EIF2S3B: variants seen among roughly 807,000 people sequenced by gnomAD.
EIF2S3B encodes eukaryotic translation initiation factor 2 subunit 3B.
EIF2S3B carries 16 observed loss-of-function variants against 26.4 expected under a neutral mutation model. That is an observed-to-expected ratio of 0.61 (90% CI 0.41 to 0.92). The LOEUF (loss-of-function observed/expected upper bound fraction) is 0.92, where lower values mean the gene tolerates loss of function less well. Ranked by LOEUF, EIF2S3B falls within the 40% of genes least tolerant of loss-of-function variation. The pLI, the probability that EIF2S3B is intolerant of heterozygous loss-of-function variation, is 0.00. For synonymous variants in EIF2S3B, 183 were observed against 204.4 expected, an observed-to-expected ratio of 0.90 and a Z score of 0.89; for missense variants, 510 against 575.5, an observed-to-expected ratio of 0.89 and a Z score of 1.16.
At chr12:10,522,739 G>C (rs929975997) in exon 2 of EIF2S3B, 1 of 677,338 alleles carries the variant, frequency 1.5e-6, no homozygotes, top group Admixed American at 2.1e-5. Flanking sequence ...AAGAAAACAT[G>C]ATCCCCTTTC....
intron 1 of EIF2S3B, among the ~76,000 whole-genome samples, chr12:10,516,764 T>G (rs1309116272): frequency 3.3e-5 from 5 of 152,120 alleles, no homozygotes; most frequent in African/African-American, 1.2e-4. Context: ...AGATAGCTCT[T>G]ATTATTTTGA....
Position 10,506,576 on chromosome 12 carries a change from C to T in EIF2S3B, c.674C>T (p.Ser225Leu). ...GAGGGAGCTCCCATTATTCCAATTT[C>T]GGCTCAGCTGAAATACAATATTGAA... ...VAEGAPIIPISAQLKYNIEVV... is the reference protein window; with the variant it reads ...VAEGAPIIPILAQLKYNIEVV... Residue 225 changes from serine to leucine, a missense_variant, in exon 1 of 1, where the codon TCG becomes TTG. By Grantham distance (145) the Ser-to-Leu change is moderately radical. Coordinates refer to ENST00000538173, the MANE Select transcript of EIF2S3B (RefSeq NM_001357734.3). The T allele has an allele frequency of 2.5e-6, 4 of 1,597,392 alleles. No homozygotes were observed. Among genetic ancestry groups the T allele is most frequent in the Non-Finnish European group, 3.4e-6 (4 of 1,164,758 alleles).
At chr12:10,519,083 G>T (rs1247405480) in intron 1 of EIF2S3B, among the ~76,000 whole-genome samples, 2 of 150,662 alleles carry the variant, frequency 1.3e-5, no homozygotes, top group African/African-American at 4.8e-5. Context: ...AAAGCTGGAG[G>T]CATCACGCTA....
At chr12:10,510,813 AT>A (rs1418880429), downstream of EIF2S3B, among the ~76,000 whole-genome samples, 2 of 152,148 alleles carry the variant, frequency 1.3e-5, no homozygotes, top group African/African-American at 2.4e-5. Context: ...CTGCACCAAT[AT>A]GGAGAAGTTC....
downstream of EIF2S3B, among the ~76,000 whole-genome samples, chr12:10,510,010 A>G (rs1864688884): frequency 6.6e-6 from 1 of 152,092 alleles, no homozygotes; most frequent in African/African-American, 2.4e-5. Flanking sequence ...TCAAATATTG[A>G]TGGTGAAAGA....
chr12:10,512,646 A>C (rs980504343), downstream of EIF2S3B, among the ~76,000 whole-genome samples: 5 of 152,070 alleles, frequency 3.3e-5, no homozygotes, highest in Admixed American at 3.3e-4. Context: ...CTATCTCAGA[A>C]AAAAAATTTA....
chr12:10,517,861 G>C (rs1292783074), intron 1 of EIF2S3B, among the ~76,000 whole-genome samples: 1 of 151,804 alleles, frequency 6.6e-6, no homozygotes, highest in Non-Finnish European at 1.5e-5. Context: ...CCTTCATTTC[G>C]TTATGTACCC....
Position 10,506,143 on chromosome 12 carries a change from C to T in EIF2S3B, c.241C>T (p.Leu81Phe). ...ACTAGAAAGAAATATTACAATCAAGCTTGGATATGCTAATGCTAAGATTTA... is the reference window on the plus strand; with the variant it reads ...ACTAGAAAGAAATATTACAATCAAGTTTGGATATGCTAATGCTAAGATTTA... ...NELERNITIK[L>F]GYANAKIYQL... The change falls in exon 1 of 1, where the codon CTT becomes TTT. Residue 81 changes from leucine to phenylalanine, a missense_variant. Transcript: ENST00000538173. The T allele has an allele frequency of 6.3e-7, 1 of 1,576,844 alleles. No individual in the cohort carries two copies.
At chr12:10,517,589 G>T (rs1864772579) in intron 1 of EIF2S3B, among the ~76,000 whole-genome samples, 1 of 152,098 alleles carries the variant, frequency 6.6e-6, no homozygotes, top group African/African-American at 2.4e-5. Context: ...TTTTTGAAGG[G>T]TTTTTTGTGC....
Position 10,506,171 on chromosome 12 carries a change from A to G in EIF2S3B, c.269A>G (p.Gln90Arg). 1.1e-5 allele frequency: 18 copies of G among 1,577,058 alleles called. No individual in the cohort carries two copies. Among genetic ancestry groups the G allele is most frequent in the Non-Finnish European group, 1.6e-5 (18 of 1,146,208 alleles). The change falls in exon 1 of 1, where the codon CAA becomes CGA. Residue 90 changes from glutamine (Q) to arginine (R), a missense_variant. Gln to Arg is a conservative substitution (Grantham distance 43). Transcript: ENST00000538173. ...GGATATGCTAATGCTAAGATTTATCAACTTGATGACCCAAGTTGCCCTCGG... is the reference window on the plus strand; with the variant it reads ...GGATATGCTAATGCTAAGATTTATCGACTTGATGACCCAAGTTGCCCTCGG... Reference protein sequence around the residue: ...KLGYANAKIYQLDDPSCPRPE... With the variant: ...KLGYANAKIYRLDDPSCPRPE...
chr12:10,521,469 A>C (rs1257120222), intron 1 of EIF2S3B, among the ~76,000 whole-genome samples: 1 of 152,118 alleles, frequency 6.6e-6, no homozygotes, highest in Non-Finnish European at 1.5e-5. Context: ...ATAGCTAGTG[A>C]TAGTCTTTAG....
intron 1 of EIF2S3B, among the ~76,000 whole-genome samples, chr12:10,521,403 T>C (rs1864830915): frequency 1.3e-5 from 2 of 152,076 alleles, no homozygotes; most frequent in Admixed American, 6.6e-5. Flanking sequence ...TTTCAATTTA[T>C]AGATGAGGCA....
chr12:10,518,569 GT>G (rs766664662), intron 1 of EIF2S3B, among the ~76,000 whole-genome samples: 1 of 152,072 alleles, frequency 6.6e-6, no homozygotes, highest in Non-Finnish European at 1.5e-5. Flanking sequence ...GCCAGTCTGT[GT>G]CTTTTAATTG....
At chr12:10,522,581 C>A in intron 1 of EIF2S3B, 1 of 665,162 alleles carries the variant, frequency 1.5e-6, no homozygotes, top group Non-Finnish European at 2.7e-6. Context: ...GATTCTTCAA[C>A]ATCCATTGCA....
chr12:10,517,916 T>C (rs1266492109), intron 1 of EIF2S3B, among the ~76,000 whole-genome samples: 66 of 151,770 alleles, frequency 4.3e-4, no homozygotes, highest in African/African-American at 1.4e-3. Flanking sequence ...TGTAGTTGAG[T>C]GGTTTTGAGT....
Position 10,507,463 on chromosome 12 carries a change from C to G in EIF2S3B, c.*142C>G, listed in dbSNP as rs1205248394. On this transcript the variant is annotated 3_prime_UTR_variant, in exon 1 of 1. Coordinates refer to ENST00000538173, the MANE Select transcript of EIF2S3B (RefSeq NM_001357734.3). Reference sequence around the variant, plus strand: ...TAGTAGGTAACGGTAAGGTTATTCTCTCTTTTTTTTTTTGGTTATGAAAAC... The same window carrying G: ...TAGTAGGTAACGGTAAGGTTATTCTGTCTTTTTTTTTTTGGTTATGAAAAC... 2 of 962,262 alleles carry G rather than the reference C, an allele frequency of 2.1e-6. No homozygotes were observed. The highest frequency in any genetic ancestry group is 3.1e-6 in the Non-Finnish European group (2 of 655,058). 59.6% of individuals were successfully genotyped at this position (962,262 alleles called of 1,614,324 possible). A position where few individuals can be genotyped will look rare whatever the true frequency, so the allele number is the denominator to read the frequency against.
In EIF2S3B at chr12:10,521,240, C is replaced by A. The variant is rs144816448; in HGVS notation, c.1309-1363C>A. On this transcript the variant is annotated intron_variant, in intron 1 of 1. Transcript: ENST00000322446. ...ATCTTATACCACACCCCATCACTTC[C>A]TGATCTTATCCATTTAACTGGATCT... Among the ~76,000 whole-genome samples the A allele has an allele frequency of 1.4e-3, 216 of 152,270 alleles. 1 individual carries two copies. Among genetic ancestry groups the A allele is most frequent in the African/African-American group, 5.0e-3 (209 of 41,570 alleles).
At chr12:10,512,572 C>A (rs1031497493), downstream of EIF2S3B, among the ~76,000 whole-genome samples, 1 of 152,068 alleles carries the variant, frequency 6.6e-6, no homozygotes, top group Admixed American at 6.6e-5. Context: ...AAATAGTGAC[C>A]ATCAGGCATA....
At position 10,507,008 on chromosome 12, in the gene EIF2S3B, C is replaced by A; in HGVS notation, c.1106C>A (p.Thr369Lys). 12 of 1,613,786 alleles carry A rather than the reference C, an allele frequency of 7.4e-6. No homozygotes were observed. Among genetic ancestry groups the A allele is most frequent in the Non-Finnish European group, 9.3e-6 (11 of 1,179,704 alleles). The change falls in exon 1 of 1, where the codon ACA becomes AAA. Residue 369 changes from threonine (T) to lysine (K), a missense_variant. Physicochemically the swap from Thr to Lys is moderately conservative, Grantham distance 78. Coordinates refer to ENST00000538173, the MANE Select transcript of EIF2S3B (RefSeq NM_001357734.3). ...GTCGGAGCTTTACCTGAGATATTCA[C>A]AGAATTGGAAATTTCCTATTTCCTG... ...GAVGALPEIF[T>K]ELEISYFLLR...
Sources: allele counts gnomAD v4.1 joint callset (sites outside exome capture counted in the v4.1 genomes callset), GRCh38; gene constraint gnomAD v4.1.1; transcripts MANE v1.5; gene names NCBI Gene and HGNC (gene_info 2026-07-23, HGNC 2026-07-21).